Variants in TSPAN5 observed in about 807,000 individuals in gnomAD.
TSPAN5 encodes tetraspanin-5.
In TSPAN5, 10 loss-of-function variants were observed where a neutral mutation model predicts 37.1. The observed-to-expected ratio is 0.27, with a 90% confidence interval of 0.17 to 0.46. The LOEUF is 0.46. Ranked by LOEUF, TSPAN5 falls within the 20% of genes least tolerant of loss-of-function variation. TSPAN5 has a pLI of 1.00. For synonymous variants in TSPAN5, 110 were observed against 118.9 expected (o/e 0.93, Z 0.48); for missense variants, 195 against 326.6 (o/e 0.60, Z 3.11).
intron 2 of TSPAN5, among the ~76,000 whole-genome samples, chr4:98,498,088 A>G (rs1170508460): frequency 3.9e-5 from 6 of 152,130 alleles, no homozygotes; most frequent in Non-Finnish European, 7.4e-5. Context: ...GAAGGCCTGA[A>G]TAAAAGCAGC....
chr4:98,579,294 G>C (rs1267435687), intron 1 of TSPAN5, among the ~76,000 whole-genome samples: 1 of 152,100 alleles, frequency 6.6e-6, no homozygotes, highest in Non-Finnish European at 1.5e-5. Flanking sequence ...TTCATCACAG[G>C]AAGAGAAACA....
chr4:98,635,919 G>A (rs1756849300), intron 1 of TSPAN5, among the ~76,000 whole-genome samples: 1 of 152,124 alleles, frequency 6.6e-6, no homozygotes, highest in Non-Finnish European at 1.5e-5. Flanking sequence ...TAAATAATAG[G>A]GTAGGGATAG....
At chr4:98,657,673 C>A in intron 1 of TSPAN5, 1 of 232,324 alleles carries the variant, frequency 4.3e-6, no homozygotes, top group South Asian at 5.5e-5. Flanking sequence ...CTGAGCATGG[C>A]ACAGACCAGC....
At chr4:98,611,086 G>A (rs935293671) in intron 1 of TSPAN5, among the ~76,000 whole-genome samples, 7 of 152,168 alleles carry the variant, frequency 4.6e-5, no homozygotes, top group Non-Finnish European at 7.3e-5. Context: ...GGACAGCCAG[G>A]CATGGAGGAA....
chr4:98,526,260 T>C (rs1753961671), intron 1 of TSPAN5, among the ~76,000 whole-genome samples: 1 of 152,200 alleles, frequency 6.6e-6, no homozygotes, highest in African/African-American at 2.4e-5. Context: ...GAAGCCAGAA[T>C]ACCAATCTCA....
At chr4:98,633,879 AG>A (rs1304884603) in intron 1 of TSPAN5, among the ~76,000 whole-genome samples, 5 of 152,278 alleles carry the variant, frequency 3.3e-5, no homozygotes, top group African/African-American at 1.2e-4. Context: ...CGGGAGTTCA[AG>A]ACCAGCCTGA....
intron 2 of TSPAN5, among the ~76,000 whole-genome samples, chr4:98,494,948 T>A (rs1753167696): frequency 6.6e-6 from 1 of 151,752 alleles, no homozygotes; most frequent in Non-Finnish European, 1.5e-5. Flanking sequence ...AAGCCAGGAG[T>A]AGGCAGAAGC....
chr4:98,508,580 A>G (rs1381237178), intron 1 of TSPAN5, among the ~76,000 whole-genome samples: 1 of 140,126 alleles, frequency 7.1e-6, no homozygotes, highest in Non-Finnish European at 1.5e-5. Context: ...GCTGGAGTGC[A>G]GTGGCTCAAT....
chr4:98,555,734 T>C (rs930311467), intron 1 of TSPAN5, among the ~76,000 whole-genome samples: 9 of 152,146 alleles, frequency 5.9e-5, no homozygotes, highest in Non-Finnish European at 1.3e-4. Context: ...AAATTAAAAA[T>C]TAGCTTGAAT....
chr4:98,652,797 A>G (rs1757216760), intron 1 of TSPAN5, among the ~76,000 whole-genome samples: 2 of 152,252 alleles, frequency 1.3e-5, no homozygotes, highest in Admixed American at 1.3e-4. Flanking sequence ...GGGACTACCT[A>G]TTACTGTGGA....
At chr4:98,532,769 A>G (rs1284343524) in intron 1 of TSPAN5, among the ~76,000 whole-genome samples, 1 of 152,148 alleles carries the variant, frequency 6.6e-6, no homozygotes, top group African/African-American at 2.4e-5. Context: ...GTCTTGTGCC[A>G]GTTTTCAAAG....
intron 4 of TSPAN5, 103 bp from the exon 5 acceptor site, chr4:98,478,913 C>G: frequency 7.1e-7 from 1 of 1,399,018 alleles, no homozygotes; most frequent in African/African-American, 1.4e-5. Context: ...CTCTGACCTT[C>G]TTTTCTGTCC....
intron 1 of TSPAN5, among the ~76,000 whole-genome samples, chr4:98,515,201 CT>C (rs200271801): frequency 6.6e-6 from 1 of 152,112 alleles, no homozygotes; most frequent in East Asian, 1.9e-4. Context: ...GGTGAGGACT[CT>C]GGTTTCTCCT....
intron 1 of TSPAN5, chr4:98,657,810 C>A (rs1757322842): frequency 3.0e-6 from 1 of 338,860 alleles, no homozygotes; most frequent in Admixed American, 4.6e-5. Context: ...TATATCCCAC[C>A]GAGAGCAAAT....
rs1257125448 is a variant in TSPAN5 at position 98,472,252 on chromosome 4, T to G, written c.*270A>C. 1 of 346,982 alleles carries G rather than the reference T, an allele frequency of 2.9e-6. No homozygotes were observed. The highest frequency in any genetic ancestry group is 2.1e-5 in the African/African-American group (1 of 47,198). 21.5% of individuals were successfully genotyped at this position (346,982 alleles called of 1,614,324 possible). Reference sequence around the variant, plus strand: ...TCTGGGTCCCCTACCCTCCCTTTTTTTCTTTTTTGGTAAGCATCTAACTGT... The same window carrying G: ...TCTGGGTCCCCTACCCTCCCTTTTTGTCTTTTTTGGTAAGCATCTAACTGT... On this transcript the variant is annotated 3_prime_UTR_variant, in exon 8 of 8. Transcript: ENST00000305798.
intron 1 of TSPAN5, among the ~76,000 whole-genome samples, chr4:98,541,529 T>C (rs1754355560): frequency 6.6e-6 from 1 of 150,826 alleles, no homozygotes; most frequent in Non-Finnish European, 1.5e-5. Flanking sequence ...ACAAAGAAAT[T>C]AGCTGGGCAT....
chr4:98,488,551 T>A (rs888544913), intron 2 of TSPAN5, among the ~76,000 whole-genome samples: 1 of 152,248 alleles, frequency 6.6e-6, no homozygotes, highest in African/African-American at 2.4e-5. Flanking sequence ...CATTAACTTC[T>A]GAGGTGACAT....
At chr4:98,652,303 T>C (rs190001396) in intron 1 of TSPAN5, among the ~76,000 whole-genome samples, 175 of 152,354 alleles carry the variant, frequency 1.1e-3, no homozygotes, top group Non-Finnish European at 2.3e-3. Flanking sequence ...AAGACAGTCA[T>C]CAGTATTACA....
chr4:98,473,452 A>AT (rs35624650), intron 7 of TSPAN5, among the ~76,000 whole-genome samples: 14,365 of 134,230 alleles, frequency 0.11, 974 homozygotes, highest in African/African-American at 0.15. Flanking sequence ...CTTATTAGCC[A>AT]TTTTTTTTTT....
Sources: allele counts gnomAD v4.1 joint callset (sites outside exome capture counted in the v4.1 genomes callset), GRCh38; gene constraint gnomAD v4.1.1; transcripts MANE v1.5; gene names NCBI Gene and HGNC (gene_info 2026-07-23, HGNC 2026-07-21).